Variants in SPRR2G observed in about 807,000 individuals in gnomAD.
The protein encoded by SPRR2G is small proline-rich protein 2G.
A neutral mutation model predicts 0.7 loss-of-function variants in SPRR2G; 1 was observed. The observed-to-expected ratio is 1.49, with a 90% CI of 0.53 to 7.06. The LOEUF (loss-of-function observed/expected upper bound fraction) is 7.06, where lower values mean the gene tolerates loss of function less well. SPRR2G is among the 30% of genes most tolerant of loss of function. SPRR2G has a pLI of 0.14. For synonymous variants in SPRR2G, 38 were observed against 33.9 expected, an observed-to-expected ratio of 1.12 and a Z score of -0.42; for missense variants, 96 against 88.5, an observed-to-expected ratio of 1.09 and a Z score of -0.34.
chr1:153,156,713 G>T, the SPRR2G span, among the ~76,000 whole-genome samples: 4 of 152,022 alleles, frequency 2.6e-5, no homozygotes, highest in African/African-American at 9.7e-5. Flanking sequence ...AGCCTAGACA[G>T]AGTCATACTA....
the SPRR2G span, among the ~76,000 whole-genome samples, chr1:153,168,846 G>C: frequency 6.6e-6 from 1 of 151,940 alleles, no homozygotes; most frequent in Admixed American, 6.6e-5. Flanking sequence ...TAGGCTATGA[G>C]AGCACCCTAT....
chr1:153,181,546 CTCTT>C, the SPRR2G span, among the ~76,000 whole-genome samples: 2 of 152,196 alleles, frequency 1.3e-5, no homozygotes, highest in South Asian at 4.1e-4. Flanking sequence ...TAACCAACCT[CTCTT>C]TATCCCCCAC....
At chr1:153,172,172 A>G in the SPRR2G span, among the ~76,000 whole-genome samples, 1 of 152,164 alleles carries the variant, frequency 6.6e-6, no homozygotes, top group Non-Finnish European at 1.5e-5. Flanking sequence ...CTCACCTTCC[A>G]GGGTCTATCA....
the SPRR2G span, among the ~76,000 whole-genome samples, chr1:153,194,861 CA>C: frequency 6.6e-6 from 1 of 152,188 alleles, no homozygotes; most frequent in African/African-American, 2.4e-5. Context: ...TGGCTTTGAT[CA>C]TGGCAGTGAG....
At chr1:153,153,639 G>T (rs886439849), upstream of SPRR2G, among the ~76,000 whole-genome samples, 1 of 151,996 alleles carries the variant, frequency 6.6e-6, no homozygotes, top group African/African-American at 2.4e-5. Context: ...AGGTAGAGAG[G>T]GTAGAAGACA....
the SPRR2G span, among the ~76,000 whole-genome samples, chr1:153,165,424 A>G: frequency 6.6e-6 from 1 of 152,176 alleles, no homozygotes. Flanking sequence ...GACAGACAGA[A>G]CTTCCCAGGT....
chr1:153,180,758 C>T, the SPRR2G span, among the ~76,000 whole-genome samples: 8 of 152,148 alleles, frequency 5.3e-5, no homozygotes. Flanking sequence ...TCAATTGCTC[C>T]ACACTCTGTC....
At chr1:153,195,637 A>G in the SPRR2G span, among the ~76,000 whole-genome samples, 1 of 152,184 alleles carries the variant, frequency 6.6e-6, no homozygotes, top group Non-Finnish European at 1.5e-5. Flanking sequence ...ACAATGGTAA[A>G]GTCTTAAGAA....
At chr1:153,180,644 T>C in the SPRR2G span, among the ~76,000 whole-genome samples, 16 of 152,206 alleles carry the variant, frequency 1.1e-4, no homozygotes, top group African/African-American at 3.9e-4. Context: ...GAAAATATAA[T>C]GACTGGGTCA....
At chr1:153,195,164 C>T in the SPRR2G span, among the ~76,000 whole-genome samples, 1 of 152,138 alleles carries the variant, frequency 6.6e-6, no homozygotes, top group Non-Finnish European at 1.5e-5. Context: ...CCACCAAAGC[C>T]AAAGAGGCTC....
In SPRR2G at chr1:153,150,011, C is replaced by T; in HGVS notation, c.100G>A (p.Glu34Lys). 1 of 1,613,816 alleles carries T rather than the reference C, an allele frequency of 6.2e-7. No homozygotes were observed. Among genetic ancestry groups the T allele is most frequent in the Non-Finnish European group, 8.5e-7 (1 of 1,179,934 alleles). Residue 34 changes from glutamate to lysine, a missense_variant, in exon 2 of 2, where the codon GAG becomes AAG. By Grantham distance (56) the Glu-to-Lys change is moderately conservative. Coordinates refer to ENST00000368748, the MANE Select transcript of SPRR2G (RefSeq NM_001014291.4). ...PEPCPPPKCP[E>K]PYLPPPCPPE... ...GGACAAGGAGGAGGCAGGTAAGGCT[C>T]AGGGCACTTCGGGGGTGGACATGGC...
chr1:153,168,116 T>A, the SPRR2G span, among the ~76,000 whole-genome samples: 1 of 152,320 alleles, frequency 6.6e-6, no homozygotes, highest in East Asian at 1.9e-4. Context: ...GAGAGAAGAA[T>A]GCTTTATATA....
the SPRR2G span, among the ~76,000 whole-genome samples, chr1:153,164,012 T>G: frequency 1.3e-5 from 2 of 152,218 alleles, no homozygotes; most frequent in African/African-American, 4.8e-5. Flanking sequence ...CATACTAATA[T>G]ATAGTAATAT....
the SPRR2G span, among the ~76,000 whole-genome samples, chr1:153,163,404 C>G: frequency 6.6e-6 from 1 of 152,172 alleles, no homozygotes; most frequent in Admixed American, 6.5e-5. Context: ...ACTATATTAG[C>G]CCTGCCAAAC....
the SPRR2G span, among the ~76,000 whole-genome samples, chr1:153,184,411 G>C: frequency 2.6e-5 from 4 of 152,126 alleles, no homozygotes; most frequent in African/African-American, 9.7e-5. Context: ...TATCCTTGAA[G>C]AGGTCCTTCA....
Position 153,149,727 on chromosome 1 carries a change from C to T in SPRR2G, c.*162G>A, listed in dbSNP as rs943731125. On this transcript the variant is annotated 3_prime_UTR_variant, in exon 2 of 2. Coordinates refer to ENST00000368748, the MANE Select transcript of SPRR2G (RefSeq NM_001014291.4). ...GGCTGCTCATCTTCCAACAACATATCGGTTTTCAGAACTAAGCCTTTTCTC... is the reference window on the plus strand; with the variant it reads ...GGCTGCTCATCTTCCAACAACATATTGGTTTTCAGAACTAAGCCTTTTCTC... 5.7e-6 allele frequency: 5 copies of T among 870,938 alleles called. No homozygotes were observed. Among genetic ancestry groups the T allele is most frequent in the South Asian group, 1.6e-5 (1 of 60,798 alleles). The allele number at this position is 870,938 out of a possible 1,614,324, so 54.0% of individuals were successfully genotyped here.
At position 153,149,690 on chromosome 1, in the gene SPRR2G, A is replaced by G; in HGVS notation, c.*199T>C. 1.5e-6 allele frequency: 1 copy of G among 674,924 alleles called. No homozygotes were observed. Among genetic ancestry groups the G allele is most frequent in the Non-Finnish European group, 2.5e-6 (1 of 397,132 alleles). 41.8% of individuals were successfully genotyped at this position (674,924 alleles called of 1,614,324 possible). ...ACATCACAGACAGCAAAGCGAGATT[A>G]GGCAGTGATCTGGCTGCTCATCTTC... On this transcript the variant is annotated 3_prime_UTR_variant, in exon 2 of 2. Coordinates refer to ENST00000368748, the MANE Select transcript of SPRR2G (RefSeq NM_001014291.4).
At chr1:153,164,783 T>G in the SPRR2G span, among the ~76,000 whole-genome samples, 1 of 152,230 alleles carries the variant, frequency 6.6e-6, no homozygotes, top group African/African-American at 2.4e-5. Context: ...ATTTTTTTTC[T>G]GAATACATTT....
At chr1:153,188,042 A>G in the SPRR2G span, among the ~76,000 whole-genome samples, 1 of 152,318 alleles carries the variant, frequency 6.6e-6, no homozygotes, top group East Asian at 1.9e-4. Context: ...AAGCTGCAGA[A>G]CAGCAAAGAT....
Sources: gnomAD v4.1 joint callset for allele counts (sites outside exome capture counted in the v4.1 genomes callset) on GRCh38, gnomAD v4.1.1 for gene constraint, MANE v1.5 for transcripts, NCBI Gene and HGNC (gene_info 2026-07-23, HGNC 2026-07-21) for gene names.